Variants in TAFA5 observed in about 807,000 individuals in gnomAD.
The protein encoded by TAFA5 is chemokine-like protein TAFA-5.
In TAFA5, 6 loss-of-function variants were observed where a neutral mutation model predicts 15.3. The ratio of observed to expected loss-of-function variants is 0.39; its 90% CI spans 0.21 to 0.77. The LOEUF (loss-of-function observed/expected upper bound fraction) is 0.77. TAFA5 is among the 30% of genes least tolerant of loss of function. The pLI is 0.41. For missense variants in TAFA5, 161 were observed against 193.1 expected (o/e 0.83, Z 0.98); for synonymous variants, 103 against 80.7 (o/e 1.28, Z -1.48).
intron 1 of TAFA5, among the ~76,000 whole-genome samples, chr22:48,541,356 C>T (rs1922366696): frequency 6.6e-6 from 1 of 152,144 alleles, no homozygotes; most frequent in African/African-American, 2.4e-5. Flanking sequence ...ACCCCAGAAC[C>T]CTGTACCCTT....
At chr22:48,554,013 A>G (rs1354966052) in intron 1 of TAFA5, among the ~76,000 whole-genome samples, 4 of 152,240 alleles carry the variant, frequency 2.6e-5, no homozygotes, top group African/African-American at 9.6e-5. Flanking sequence ...AATGAGGTAC[A>G]AACCACAGGC....
intron 2 of TAFA5, among the ~76,000 whole-genome samples, chr22:48,694,679 C>A (rs750499258): frequency 6.6e-6 from 1 of 152,142 alleles, no homozygotes; most frequent in Non-Finnish European, 1.5e-5. Flanking sequence ...TTCTCTGTGT[C>A]CCCGGGCCAC....
At chr22:48,660,593 C>A (rs1040127118) in intron 2 of TAFA5, among the ~76,000 whole-genome samples, 6 of 152,236 alleles carry the variant, frequency 3.9e-5, no homozygotes, top group Admixed American at 3.9e-4. Context: ...AGCTGATGTT[C>A]CTGTTTTCAG....
Position 48,751,534 on chromosome 22 carries a change from T to C in TAFA5, c.*1687T>C, listed in dbSNP as rs545684959. On this transcript the variant is annotated 3_prime_UTR_variant, in exon 4 of 4. Coordinates refer to ENST00000402357, the MANE Select transcript of TAFA5 (RefSeq NM_001082967.3). ...TATATAGAAGCTGTTCCAGCAACCA[T>C]AGACTGAAGATACGAAAGAAAATCC... 3.9e-5 allele frequency: 6 copies of C among 152,564 alleles called. No individual in the cohort carries two copies. Among genetic ancestry groups the C allele is most frequent in the African/African-American group, 1.2e-4 (5 of 41,584 alleles). 9.5% of individuals were successfully genotyped at this position (152,564 alleles called of 1,614,324 possible). A position where few individuals can be genotyped will look rare whatever the true frequency, so the allele number is the denominator to read the frequency against.
chr22:48,576,413 G>C (rs1923803269), intron 1 of TAFA5: 3 of 1,256,024 alleles, frequency 2.4e-6, no homozygotes, highest in South Asian at 3.2e-5. Flanking sequence ...CACCCGGCGG[G>C]GCGCTGATGC....
intron 1 of TAFA5, among the ~76,000 whole-genome samples, chr22:48,632,641 C>G (rs1482695446): frequency 2.0e-5 from 3 of 152,206 alleles, no homozygotes; most frequent in Non-Finnish European, 4.4e-5. Context: ...CTGGGGAAGC[C>G]CCCTCTGGAG....
At chr22:48,631,983 A>C (rs1189378076) in intron 1 of TAFA5, among the ~76,000 whole-genome samples, 1 of 152,196 alleles carries the variant, frequency 6.6e-6, no homozygotes, top group East Asian at 1.9e-4. Context: ...CCAGCCAGAC[A>C]CACGGCTCGG....
chr22:48,492,498 G>A (rs974494665), intron 1 of TAFA5, among the ~76,000 whole-genome samples: 7 of 152,206 alleles, frequency 4.6e-5, no homozygotes, highest in African/African-American at 1.7e-4. Flanking sequence ...TTGGCCCAGT[G>A]AGAGTCCGGC....
rs1000839186 is a variant in TAFA5 at position 48,686,176 on chromosome 22, G to A, written c.263-21541G>A. Among the ~76,000 whole-genome samples the A allele has an allele frequency of 2.6e-5, 4 of 152,210 alleles. No individual in the cohort carries two copies. The East Asian group carries it at 5.8e-4, about 22-fold the overall frequency. Reference sequence around the variant, plus strand: ...AACTGTGGGCAGCAGGCAGTATGGCGTCTGAGGCCGCCAGGGGTCTCTGCC... The same window carrying A: ...AACTGTGGGCAGCAGGCAGTATGGCATCTGAGGCCGCCAGGGGTCTCTGCC... On this transcript the variant is annotated intron_variant, in intron 2 of 3. Coordinates refer to ENST00000402357, the MANE Select transcript of TAFA5 (RefSeq NM_001082967.3).
chr22:48,566,356 G>A lies in TAFA5; in HGVS notation c.112+76652G>A, dbSNP rs765265394. Among the ~76,000 whole-genome samples the A allele has an allele frequency of 6.6e-6, 1 of 152,050 alleles. No individual in the cohort carries two copies. On this transcript the variant is annotated intron_variant, in intron 1 of 3. Transcript: ENST00000402357. This position sits in a 1 kb window ranked among gnomAD's most constrained non-coding sequence, Gnocchi z 4.5. ...GGTGGATGATGAATGGATGGTGATG[G>A]GTGGACGGATGGTGGATGGATGGGT...
In TAFA5 at chr22:48,693,422, A is replaced by G. The variant is rs377525433; in HGVS notation, c.263-14295A>G. Reference sequence around the variant, plus strand: ...GTGCGCGTCATAGTGCAGCCCGTGCAGGCAGTAAAGGAGGGACTGCGACTC... The same window carrying G: ...GTGCGCGTCATAGTGCAGCCCGTGCGGGCAGTAAAGGAGGGACTGCGACTC... On this transcript the variant is annotated intron_variant, in intron 2 of 3. Coordinates refer to ENST00000402357, the MANE Select transcript of TAFA5 (RefSeq NM_001082967.3). The G allele has an allele frequency of 2.0e-5, 32 of 1,611,142 alleles. No homozygotes were observed. In the African/African-American group the frequency reaches 3.1e-4, roughly 15 times the overall value.
At chr22:48,660,770 C>G (rs1039789066) in intron 2 of TAFA5, among the ~76,000 whole-genome samples, 3 of 152,210 alleles carry the variant, frequency 2.0e-5, no homozygotes, top group Non-Finnish European at 4.4e-5. Flanking sequence ...GCCGGGGTCT[C>G]TCTTCTGTCA....
chr22:48,718,972 C>G (rs761370079), intron 3 of TAFA5, among the ~76,000 whole-genome samples: 5 of 152,238 alleles, frequency 3.3e-5, no homozygotes, highest in Non-Finnish European at 5.9e-5. Context: ...TCCCCATGTC[C>G]TCCTAGCTGA....
intron 1 of TAFA5, among the ~76,000 whole-genome samples, chr22:48,575,114 G>C (rs909286074): frequency 5.3e-5 from 8 of 152,152 alleles, no homozygotes; most frequent in Non-Finnish European, 1.0e-4. Context: ...CGGCTGGGGC[G>C]GTACCTGGGC....
intron 2 of TAFA5, among the ~76,000 whole-genome samples, chr22:48,682,404 C>T (rs550414745): frequency 6.6e-6 from 1 of 152,324 alleles, no homozygotes; most frequent in South Asian, 2.1e-4. Flanking sequence ...ATCTGCCCCT[C>T]CACCCAGAGC....
At chr22:48,597,190 T>C (rs146551206) in intron 1 of TAFA5, among the ~76,000 whole-genome samples, 19 of 152,346 alleles carry the variant, frequency 1.2e-4, no homozygotes, top group Non-Finnish European at 1.9e-4. Context: ...AGAGGGGAGA[T>C]AGTCAGGGCC....
intron 2 of TAFA5, among the ~76,000 whole-genome samples, chr22:48,683,571 G>T (rs537933991): frequency 6.6e-6 from 1 of 152,232 alleles, no homozygotes; most frequent in South Asian, 2.1e-4. Context: ...TGCACTCGCT[G>T]GTTCCTCCAC....
At chr22:48,682,880 G>A (rs970330100) in intron 2 of TAFA5, among the ~76,000 whole-genome samples, 1 of 152,154 alleles carries the variant, frequency 6.6e-6, no homozygotes, top group African/African-American at 2.4e-5. Flanking sequence ...TTTCATTACA[G>A]TGTGGCAGGA....
At chr22:48,633,843 T>C (rs1047016896) in intron 1 of TAFA5, among the ~76,000 whole-genome samples, 3 of 152,202 alleles carry the variant, frequency 2.0e-5, no homozygotes, top group Non-Finnish European at 2.9e-5. Flanking sequence ...TACTGAGAAA[T>C]TGAATGTTCA....
Sources: allele counts gnomAD v4.1 joint callset (sites outside exome capture counted in the v4.1 genomes callset), GRCh38; gene constraint gnomAD v4.1.1; non-coding constraint Gnocchi (gnomAD v3.1); transcripts MANE v1.5; gene names NCBI Gene and HGNC (gene_info 2026-07-23, HGNC 2026-07-21).